Variants in RORA observed in about 807,000 individuals in gnomAD.
The protein encoded by RORA is nuclear receptor ROR-alpha.
RORA carries 7 observed loss-of-function variants against 69.5 expected under a neutral mutation model. The ratio of observed to expected loss-of-function variants is 0.10; its 90% CI spans 0.06 to 0.19. The LOEUF is 0.19. Ranked by LOEUF, RORA falls within the 10% of genes least tolerant of loss-of-function variation. RORA has a pLI of 1.00. For missense variants in RORA, 457 were observed against 663.0 expected (o/e 0.69, Z 3.41); for synonymous variants, 261 against 240.8 (o/e 1.08, Z -0.78).
intron 1 of RORA, among the ~76,000 whole-genome samples, chr15:61,120,139 T>C (rs1225365164): frequency 1.3e-5 from 2 of 152,106 alleles, no homozygotes; most frequent in Admixed American, 6.5e-5. Flanking sequence ...GGAGAGTAAA[T>C]ACAGATGCCA....
intron 1 of RORA, among the ~76,000 whole-genome samples, chr15:60,775,394 G>C (rs545912677): frequency 1.3e-5 from 2 of 152,154 alleles, no homozygotes; most frequent in African/African-American, 4.8e-5. Flanking sequence ...TCAAATTTGC[G>C]TGGGGGTTCT....
chr15:60,907,287 G>A (rs1567232482), intron 1 of RORA, among the ~76,000 whole-genome samples: 1 of 152,142 alleles, frequency 6.6e-6, no homozygotes, highest in Non-Finnish European at 1.5e-5. Context: ...CAGTCATTGG[G>A]GATTCATGGA....
At chr15:61,087,999 T>C (rs2078650344) in intron 1 of RORA, among the ~76,000 whole-genome samples, 3 of 152,244 alleles carry the variant, frequency 2.0e-5, no homozygotes, top group Non-Finnish European at 4.4e-5. Flanking sequence ...GTCATCTGTG[T>C]TATCAATGCT....
intron 2 of RORA, among the ~76,000 whole-genome samples, chr15:60,542,633 CCT>C (rs1197799499): frequency 4.8e-5 from 6 of 125,500 alleles, no homozygotes; most frequent in African/African-American, 1.2e-4. Context: ...CACATGCACA[CCT>C]CACACACGAC....
At chr15:60,518,823 C>A (rs548182152) in intron 3 of RORA, among the ~76,000 whole-genome samples, 8 of 151,750 alleles carry the variant, frequency 5.3e-5, no homozygotes, top group African/African-American at 1.7e-4. Flanking sequence ...CCCCATGTGT[C>A]CCCTGTATGG....
chr15:61,029,316 A>G (rs1294130381), intron 1 of RORA, among the ~76,000 whole-genome samples: 2 of 152,248 alleles, frequency 1.3e-5, no homozygotes, highest in Non-Finnish European at 2.9e-5. Context: ...CAGAAAAAAA[A>G]GGCCAGGGAG....
chr15:60,803,561 C>G (rs2072617659), intron 1 of RORA, among the ~76,000 whole-genome samples: 1 of 152,230 alleles, frequency 6.6e-6, no homozygotes, highest in Non-Finnish European at 1.5e-5. Context: ...CACAAGGCAG[C>G]ATTGCAGAGC....
At chr15:60,894,080 G>A (rs1292827145) in intron 1 of RORA, among the ~76,000 whole-genome samples, 1 of 152,088 alleles carries the variant, frequency 6.6e-6, no homozygotes, top group Non-Finnish European at 1.5e-5. Flanking sequence ...CCTCTCCTCA[G>A]AAGCCATGTC....
intron 1 of RORA, among the ~76,000 whole-genome samples, chr15:60,950,291 C>G (rs1268575879): frequency 6.9e-6 from 1 of 144,572 alleles, no homozygotes; most frequent in Non-Finnish European, 1.5e-5. Flanking sequence ...GAAGGAAGCG[C>G]TAAACATGGA....
chr15:61,197,616 C>T (rs966795971), intron 1 of RORA, among the ~76,000 whole-genome samples: 1 of 152,138 alleles, frequency 6.6e-6, no homozygotes, highest in South Asian at 2.1e-4. Flanking sequence ...AACCGGGCTC[C>T]GTCAGGTGAG....
intron 2 of RORA, among the ~76,000 whole-genome samples, chr15:60,536,851 T>C (rs1400672415): frequency 6.6e-6 from 1 of 152,220 alleles, no homozygotes; most frequent in East Asian, 1.9e-4. Flanking sequence ...CTATCTATCT[T>C]TTACACAGAT....
At chr15:60,997,525 A>G (rs960676258) in intron 1 of RORA, among the ~76,000 whole-genome samples, 1 of 152,178 alleles carries the variant, frequency 6.6e-6, no homozygotes, top group African/African-American at 2.4e-5. Context: ...TTAATATTAA[A>G]AACATCTTCA....
At chr15:60,883,130 CAAAAAAAAAAAA>C (rs60074751) in intron 1 of RORA, among the ~76,000 whole-genome samples, 1 of 43,092 alleles carries the variant, frequency 2.3e-5, no homozygotes, top group African/African-American at 1.2e-4. Flanking sequence ...GACATCGTCT[CAAAAAAAAAAAA>C]AAAAAAAAAG....
At chr15:60,949,556 T>C (rs1371467637) in intron 1 of RORA, among the ~76,000 whole-genome samples, 1 of 152,098 alleles carries the variant, frequency 6.6e-6, no homozygotes, top group Non-Finnish European at 1.5e-5. Flanking sequence ...CCACTTCTGC[T>C]CCAATTGTCG....
chr15:60,924,725 A>AG (rs1304391540), intron 1 of RORA, among the ~76,000 whole-genome samples: 1 of 152,190 alleles, frequency 6.6e-6, no homozygotes, highest in African/African-American at 2.4e-5. Context: ...TGTGAACTAT[A>AG]ACAACCATAG....
In RORA at chr15:61,007,722, A is replaced by G. The variant is rs539043112; in HGVS notation, c.166+221331T>C. Among the ~76,000 whole-genome samples, 24 of 148,530 alleles carry G rather than the reference A, an allele frequency of 1.6e-4. No individual in the cohort carries two copies. The East Asian group carries it at 3.7e-3, about 23-fold the overall frequency. ...TTAGGCTAATGTTATATAGGCTAAT[A>G]TTATATATTTTATATAACATTAGCC... On this transcript the variant is annotated intron_variant, in intron 1 of 10. Transcript: ENST00000335670.
chr15:60,644,218 C>T (rs1490214057), intron 2 of RORA, among the ~76,000 whole-genome samples: 1 of 152,136 alleles, frequency 6.6e-6, no homozygotes, highest in Non-Finnish European at 1.5e-5. Flanking sequence ...TTCAAACAAC[C>T]AGGGAAGGCT....
At chr15:60,592,488 G>A (rs2068558722) in intron 2 of RORA, 3 of 1,330,820 alleles carry the variant, frequency 2.3e-6, no homozygotes, top group South Asian at 1.9e-5. Flanking sequence ...CCGCCGCCGC[G>A]CCGCCGCCGC....
intron 1 of RORA, among the ~76,000 whole-genome samples, chr15:60,877,194 T>C (rs983718402): frequency 6.6e-6 from 1 of 152,160 alleles, no homozygotes; most frequent in Non-Finnish European, 1.5e-5. Context: ...GGCAAGTAAA[T>C]GAAAAGCACA....
Sources: gnomAD v4.1 joint callset for allele counts (sites outside exome capture counted in the v4.1 genomes callset) on GRCh38, gnomAD v4.1.1 for gene constraint, MANE v1.5 for transcripts, NCBI Gene and HGNC (gene_info 2026-07-23, HGNC 2026-07-21) for gene names.